PCDHGA2: variants seen among roughly 807,000 people sequenced by gnomAD.
PCDHGA2 encodes protocadherin gamma-A2.
Under a neutral mutation model 59.2 loss-of-function variants are expected in PCDHGA2, and 40 were observed. That is an observed-to-expected ratio of 0.68 (90% CI 0.52 to 0.88). The LOEUF is 0.88. PCDHGA2 is among the 40% of genes least tolerant of loss of function. PCDHGA2 has a pLI of 0.00. For synonymous variants in PCDHGA2, 560 were observed against 526.0 expected (o/e 1.06, Z -0.89); for missense variants, 1,226 against 1,204.0 (o/e 1.02, Z -0.27).
At position 141,431,823 on chromosome 5, in the gene PCDHGA2, CG is replaced by C. The variant is rs754257436; in HGVS notation, c.2425-62982del. ...GTGGTCCTCACCTCTCTCGCCAGCTCGGTTCCCGAAAACTCTCCCAGAGGGA... is the reference window on the plus strand; with the variant it reads ...GTGGTCCTCACCTCTCTCGCCAGCTCGTTCCCGAAAACTCTCCCAGAGGGA... On this transcript the variant is annotated intron_variant, in intron 1 of 3. Transcript: ENST00000394576. The surrounding 1 kb of genome is among the most constrained non-coding windows in gnomAD (Gnocchi z 4.8). 2.5e-6 allele frequency: 4 copies of C among 1,614,142 alleles called. No homozygotes were observed. In the East Asian group the frequency reaches 8.9e-5, roughly 36 times the overall value.
intron 1 of PCDHGA2, among the ~76,000 whole-genome samples, chr5:141,482,104 A>T (rs11748215): frequency 0.23 from 34,477 of 150,324 alleles, 4,798 homozygotes; most frequent in African/African-American, 0.39. Context: ...AAAAAAAAAA[A>T]ATATCTAGAG....
chr5:141,390,034 C>A, intron 1 of PCDHGA2: 2 of 1,614,066 alleles, frequency 1.2e-6, no homozygotes, highest in Non-Finnish European at 1.7e-6. Context: ...CGACGCTCCT[C>A]CAGCCCCGCC....
intron 1 of PCDHGA2, chr5:141,345,829 G>A (rs755143923): frequency 1.9e-6 from 3 of 1,612,686 alleles, no homozygotes; most frequent in Non-Finnish European, 2.5e-6. Context: ...AGAGACTCGG[G>A]CCAGAACGCC....
intron 1 of PCDHGA2, among the ~76,000 whole-genome samples, chr5:141,465,263 T>C (rs538393085): frequency 1.3e-5 from 2 of 152,326 alleles, no homozygotes; most frequent in African/African-American, 4.8e-5. Flanking sequence ...GCAATGATAC[T>C]AGCCATTTAG....
chr5:141,365,586 A>G lies in PCDHGA2; in HGVS notation c.2424+24191A>G, dbSNP rs757726887. 5 of 1,613,564 alleles carry G rather than the reference A, an allele frequency of 3.1e-6. No individual in the cohort carries two copies. In the Admixed American group the frequency reaches 6.7e-5, roughly 22 times the overall value. On this transcript the variant is annotated intron_variant, in intron 1 of 3. Transcript: ENST00000394576. ...GACAGAGAAGAGACTTCAGATTATA[A>G]TATCACTTTAACCGTCATGGACCAT... is the stretch of plus-strand genomic sequence containing the variant.
intron 1 of PCDHGA2, chr5:141,383,196 T>C (rs7704696): frequency 0.066 from 106,221 of 1,613,864 alleles, 4,924 homozygotes; most frequent in African/African-American, 0.24. Context: ...GCGCTCAGAG[T>C]GCGCGGTGTC....
chr5:141,350,812 T>C, intron 1 of PCDHGA2: 1 of 1,614,022 alleles, frequency 6.2e-7, no homozygotes, highest in East Asian at 2.2e-5. Context: ...AAAGTCCTGA[T>C]GGAAGTAAAT....
chr5:141,388,773 G>C, intron 1 of PCDHGA2: 4 of 1,613,808 alleles, frequency 2.5e-6, no homozygotes, highest in Non-Finnish European at 3.4e-6. Context: ...CTCTAACACC[G>C]GGGAAATTAC....
intron 1 of PCDHGA2, chr5:141,415,749 T>C: frequency 8.2e-7 from 1 of 1,214,000 alleles, no homozygotes; most frequent in Non-Finnish European, 1.1e-6. Flanking sequence ...GGTTTTTTTT[T>C]TTTTTTTTTT....
At chr5:141,384,867 C>T (rs1780607130) in intron 1 of PCDHGA2, 1 of 1,613,660 alleles carries the variant, frequency 6.2e-7, no homozygotes, top group South Asian at 1.1e-5. Context: ...CTCTGTCAGC[C>T]ACCGTCACAC....
chr5:141,497,877 G>C (rs1057284578), intron 2 of PCDHGA2, among the ~76,000 whole-genome samples: 6 of 152,148 alleles, frequency 3.9e-5, no homozygotes, highest in Admixed American at 2.6e-4. Context: ...AGTGAAATAA[G>C]CGTTAGGATC....
intron 1 of PCDHGA2, chr5:141,350,722 T>C (rs371225641): frequency 5.0e-6 from 8 of 1,613,840 alleles, no homozygotes; most frequent in Non-Finnish European, 6.8e-6. Context: ...TGGATTCTGC[T>C]CAAGATGCAG....
intron 1 of PCDHGA2, chr5:141,351,315 T>C: frequency 6.2e-7 from 1 of 1,613,888 alleles, no homozygotes; most frequent in Non-Finnish European, 8.5e-7. Flanking sequence ...TCTAACCAGA[T>C]TCCAGAGGAT....
At chr5:141,375,062 C>G in intron 1 of PCDHGA2, 1 of 1,613,996 alleles carries the variant, frequency 6.2e-7, no homozygotes, top group Non-Finnish European at 8.5e-7. Flanking sequence ...TGGGCCAGGT[C>G]TTCGAGACAG....
At position 141,490,954 on chromosome 5, in the gene PCDHGA2, G is replaced by A. The variant is rs749646808; in HGVS notation, c.2425-3853G>A. On this transcript the variant is annotated intron_variant, in intron 1 of 3. Coordinates refer to ENST00000394576, the MANE Select transcript of PCDHGA2 (RefSeq NM_018915.4). This position sits in a 1 kb window ranked among gnomAD's most constrained non-coding sequence, Gnocchi z 5.4. ...TGTGCTGCACCCACGGCCAGACTGGGAACACTCAGCCCCCCAGCGTCTCCC... is the reference window on the plus strand; with the variant it reads ...TGTGCTGCACCCACGGCCAGACTGGAAACACTCAGCCCCCCAGCGTCTCCC... 9 of 1,613,662 alleles carry A rather than the reference G, an allele frequency of 5.6e-6. No individual in the cohort carries two copies. The African/African-American group carries it at 8.0e-5, about 14-fold the overall frequency.
In PCDHGA2 at chr5:141,493,233, G is replaced by T. The variant is rs1335823475; in HGVS notation, c.2425-1574G>T. ...TTTGCTCTTCCCACCATTGCTGTTG[G>T]CTAGGTACTAACATGCCTCTCTTAT... is the stretch of plus-strand genomic sequence containing the variant. On this transcript the variant is annotated intron_variant, in intron 1 of 3. Coordinates refer to ENST00000394576, the MANE Select transcript of PCDHGA2 (RefSeq NM_018915.4). This position sits in a 1 kb window ranked among gnomAD's most constrained non-coding sequence, Gnocchi z 4.3. 6.6e-6 allele frequency among the ~76,000 whole-genome samples: 1 copy of T among 152,172 alleles called. No homozygotes were observed. The highest frequency in any genetic ancestry group is 2.1e-4 in the South Asian group (1 of 4,828).
intron 1 of PCDHGA2, among the ~76,000 whole-genome samples, chr5:141,401,573 G>A (rs372919699): frequency 4.6e-5 from 7 of 152,128 alleles, no homozygotes; most frequent in East Asian, 3.9e-4. Context: ...TCTCTTGCTC[G>A]GAATCCTGAC....
intron 1 of PCDHGA2, among the ~76,000 whole-genome samples, chr5:141,444,062 A>G (rs1335403906): frequency 6.7e-6 from 1 of 149,402 alleles, no homozygotes; most frequent in African/African-American, 2.5e-5. Context: ...TTCAATCTAG[A>G]TTCTGATGCT....
intron 1 of PCDHGA2, chr5:141,414,538 A>C: frequency 1.2e-6 from 2 of 1,613,882 alleles, no homozygotes; most frequent in Non-Finnish European, 1.7e-6. Flanking sequence ...CAACCCACCT[A>C]CCTTCTCTCA....
Sources: gnomAD v4.1 joint callset for allele counts (sites outside exome capture counted in the v4.1 genomes callset) on GRCh38, gnomAD v4.1.1 for gene constraint, Gnocchi (gnomAD v3.1) non-coding constraint, MANE v1.5 for transcripts, NCBI Gene and HGNC (gene_info 2026-07-23, HGNC 2026-07-21) for gene names.